Variants in PPRC1 observed in about 807,000 individuals in gnomAD.
The protein encoded by PPRC1 is peroxisome proliferator-activated receptor gamma coactivator-related protein 1.
In PPRC1, 23 loss-of-function variants were observed where a neutral mutation model predicts 132.5. The observed-to-expected ratio is 0.17, with a 90% CI of 0.12 to 0.25. The LOEUF is 0.25. PPRC1 is among the 10% of genes least tolerant of loss of function. The pLI is 1.00. For missense variants in PPRC1, 2,006 were observed against 2,089.1 expected, an observed-to-expected ratio of 0.96 and a Z score of 0.78; for synonymous variants, 872 against 833.5, an observed-to-expected ratio of 1.05 and a Z score of -0.80.
chr10:102,149,270 C>G lies in PPRC1; in HGVS notation c.4832C>G (p.Pro1611Arg). The change falls in exon 13 of 14, where the codon CCC (proline) becomes CGC (arginine). Residue 1611 changes from proline to arginine, a missense_variant. Around this residue, in one of 2 missense-constraint regions of PPRC1, gnomAD observed 92 missense variants for 171.9 expected, o/e 0.54. Coordinates refer to ENST00000278070, the MANE Select transcript of PPRC1 (RefSeq NM_015062.5). The stretch of plus-strand genomic sequence containing the variant: ...AAGCTGCGGCAGGCAGATGAGCAGC[C>G]CTTTGATCTCTGCTTTGGGGGCCGA... Reference protein sequence around the residue: ...GHKLRQADEQPFDLCFGGRRQ... With the variant: ...GHKLRQADEQRFDLCFGGRRQ... 1 of 1,612,300 alleles carries G rather than the reference C, an allele frequency of 6.2e-7. No individual in the cohort carries two copies. The highest frequency in any genetic ancestry group is 8.5e-7 in the Non-Finnish European group (1 of 1,179,038).
rs1404229488 is a variant in PPRC1, at chr10:102,148,614, C to T, written c.4551-14C>T. 1 of 1,614,092 alleles carries T rather than the reference C, an allele frequency of 6.2e-7. No individual in the cohort carries two copies. The highest frequency in any genetic ancestry group is 1.7e-5 in the Admixed American group (1 of 60,018). ...TCTTATGTTTGGGGGGCTGATGACA[C>T]CCTCTTTTGTCAGGTACAGCTCTTA... On this transcript the variant is annotated splice_polypyrimidine_tract_variant and intron_variant, in intron 10 of 13. Coordinates refer to ENST00000278070, the MANE Select transcript of PPRC1 (RefSeq NM_015062.5). This position sits in a 1 kb window ranked among gnomAD's most constrained non-coding sequence, Gnocchi z 4.2.
In PPRC1 at chr10:102,139,441, C is replaced by T. The variant is rs768752227; in HGVS notation, c.933C>T (p.Ala311=). 2 of 1,614,248 alleles carry T rather than the reference C, an allele frequency of 1.2e-6. No homozygotes were observed. Among genetic ancestry groups the T allele is most frequent in the Non-Finnish European group, 1.7e-6 (2 of 1,180,040 alleles). Residue 311 remains alanine (A), a synonymous_variant, in exon 5 of 14, where the codon GCC becomes GCT. Coordinates refer to ENST00000278070, the MANE Select transcript of PPRC1 (RefSeq NM_015062.5). ...SISSLSELVR[A]MHPYCLPNLT... is the part of the protein sequence containing the mutation. ...CCTCCCTGAGTGAGCTGGTGCGGGC[C>T]ATGCACCCATACTGCCTGCCCAACC...
the PPRC1 span, among the ~76,000 whole-genome samples, chr10:102,121,286 A>G: frequency 6.6e-6 from 1 of 151,514 alleles, no homozygotes; most frequent in Non-Finnish European, 1.5e-5. Flanking sequence ...TCACCTCCGT[A>G]CCAACCGCCC....
At position 102,143,025 on chromosome 10, in the gene PPRC1, T is replaced by C. The variant is rs530982129; in HGVS notation, c.3497-20T>C. ...GTTGATAGGGGCTCGTTTTCAATCCTGTGTTGTGTGCCTCCACAGGAATTG... is the reference window on the plus strand; with the variant it reads ...GTTGATAGGGGCTCGTTTTCAATCCCGTGTTGTGTGCCTCCACAGGAATTG... On this transcript the variant is annotated intron_variant, in intron 5 of 13. Transcript: ENST00000278070. 1 of 1,608,432 alleles carries C rather than the reference T, an allele frequency of 6.2e-7. No individual in the cohort carries two copies. Among genetic ancestry groups the C allele is most frequent in the African/African-American group, 1.3e-5 (1 of 74,870 alleles).
the PPRC1 span, among the ~76,000 whole-genome samples, chr10:102,124,836 T>A: frequency 6.6e-6 from 1 of 151,910 alleles, no homozygotes; most frequent in African/African-American, 2.4e-5. Flanking sequence ...AGAGACAGGT[T>A]TCTTGCTGTT....
At chr10:102,128,412 G>A (rs2068494806), upstream of PPRC1, among the ~76,000 whole-genome samples, 1 of 151,998 alleles carries the variant, frequency 6.6e-6, no homozygotes, top group African/African-American at 2.4e-5. Flanking sequence ...CCAAAGTGCT[G>A]GGATTACAGG....
Position 102,148,248 on chromosome 10 carries a change from T to C in PPRC1, c.4401-124T>C. On this transcript the variant is annotated intron_variant, in intron 9 of 13. Coordinates refer to ENST00000278070, the MANE Select transcript of PPRC1 (RefSeq NM_015062.5). The surrounding 1 kb of genome is among the most constrained non-coding windows in gnomAD (Gnocchi z 4.2). ...AATGAAAATTGTTCTTCTAGACCTC[T>C]TCTACTCTGCTTTGTCTTTGGTCCT... 4.3e-6 allele frequency: 5 copies of C among 1,162,914 alleles called. No individual in the cohort carries two copies. The highest frequency in any genetic ancestry group is 6.1e-6 in the Non-Finnish European group (5 of 817,096). The allele number at this position is 1,162,914 out of a possible 1,614,324, so 72.0% of individuals were successfully genotyped here.
Position 102,148,567 on chromosome 10 carries a change from C to A in PPRC1, c.4550+46C>A. ...CGCCATGCACCTGGGATGCAGGTGC[C>A]TAAGAGTTGAGTCTTGAATTGTCTT... is the stretch of plus-strand genomic sequence containing the variant. On this transcript the variant is annotated intron_variant, in intron 10 of 13. Coordinates refer to ENST00000278070, the MANE Select transcript of PPRC1 (RefSeq NM_015062.5). This position sits in a 1 kb window ranked among gnomAD's most constrained non-coding sequence, Gnocchi z 4.2. The A allele has an allele frequency of 6.2e-7, 1 of 1,612,180 alleles. No homozygotes were observed. Among genetic ancestry groups the A allele is most frequent in the East Asian group, 2.2e-5 (1 of 44,870 alleles).
chr10:102,133,133 A>G lies in PPRC1; in HGVS notation c.65A>G (p.Asp22Gly). The change falls in exon 1 of 14, where the codon GAC (aspartate) becomes GGC (glycine). Residue 22 changes from aspartate to glycine, a missense_variant. This residue lies in a region of PPRC1 where 1,914 missense variants were observed against 1,917.2 expected (regional missense o/e 1.00). Coordinates refer to ENST00000278070, the MANE Select transcript of PPRC1 (RefSeq NM_015062.5). ...APPPSGGPGP[D>G]PGGGARGSGW... ...CCCCCGAGTGGGGGCCCCGGTCCGG[A>G]CCCTGGCGGGGGAGCCCGCGGCAGT... 2 of 1,251,498 alleles carry G rather than the reference A, an allele frequency of 1.6e-6. No individual in the cohort carries two copies. The highest frequency in any genetic ancestry group is 2.7e-4 in the Middle Eastern group (1 of 3,698). 77.5% of individuals were successfully genotyped at this position (1,251,498 alleles called of 1,614,324 possible).
At chr10:102,130,624 A>T (rs1446133636), upstream of PPRC1, among the ~76,000 whole-genome samples, 1 of 148,930 alleles carries the variant, frequency 6.7e-6, no homozygotes, top group African/African-American at 2.5e-5. Context: ...AACCCCAGCT[A>T]CTCAGGAGGC....
At chr10:102,144,115 CT>C in intron 6 of PPRC1, 134 bp from the exon 7 acceptor site, 1 of 816,466 alleles carries the variant, frequency 1.2e-6, no homozygotes, top group Non-Finnish European at 2.1e-6. Context: ...GAGACTAGAT[CT>C]CTTTGGGGAG....
At chr10:102,138,119 G>A in intron 2 of PPRC1, 81 bp downstream of exon 2, 1 of 1,424,008 alleles carries the variant, frequency 7.0e-7, no homozygotes, top group South Asian at 1.4e-5. Context: ...GCATGGCTCT[G>A]CTCTCCCAGG....
upstream of PPRC1, among the ~76,000 whole-genome samples, chr10:102,129,313 G>T (rs912290273): frequency 8.5e-5 from 13 of 152,154 alleles, no homozygotes; most frequent in East Asian, 1.9e-4. Flanking sequence ...ACGATTGGAG[G>T]TTCCCAGTTT....
At chr10:102,131,421 A>G (rs897297915), upstream of PPRC1, among the ~76,000 whole-genome samples, 6 of 152,152 alleles carry the variant, frequency 3.9e-5, 1 homozygote, top group Middle Eastern at 0.01. Context: ...ATCTAAGAAA[A>G]GGTCCAGAAA....
chr10:102,134,777 C>T (rs932246816), intron 1 of PPRC1, among the ~76,000 whole-genome samples: 2 of 152,186 alleles, frequency 1.3e-5, no homozygotes, highest in Non-Finnish European at 2.9e-5. Context: ...TTCATCTTCA[C>T]CTCCATCAGG....
At chr10:102,123,833 CT>C in the PPRC1 span, among the ~76,000 whole-genome samples, 2,390 of 68,292 alleles carry the variant, frequency 0.035, 5 homozygotes, top group Middle Eastern at 0.091. Context: ...CACGCCCGGC[CT>C]TTTTTTTTTT....
chr10:102,127,877 A>C, the PPRC1 span, among the ~76,000 whole-genome samples: 1 of 151,802 alleles, frequency 6.6e-6, no homozygotes, highest in Admixed American at 6.6e-5. Context: ...TTCTAGAGAC[A>C]GGGGTTTCGC....
At chr10:102,128,808 G>A (rs892443499), upstream of PPRC1, among the ~76,000 whole-genome samples, 7 of 150,548 alleles carry the variant, frequency 4.6e-5, no homozygotes, top group East Asian at 1.4e-3. Flanking sequence ...TAGAGACGGG[G>A]TTTCACCATG....
In PPRC1 at chr10:102,146,994, C is replaced by T; in HGVS notation, c.4002C>T (p.Val1334=). 6.2e-7 allele frequency: 1 copy of T among 1,614,142 alleles called. No individual in the cohort carries two copies. Among genetic ancestry groups the T allele is most frequent in the Non-Finnish European group, 8.5e-7 (1 of 1,180,006 alleles). Residue 1334 remains valine, a synonymous_variant, in exon 9 of 14, where the codon GTC becomes GTT. Transcript: ENST00000278070. ...ATCAGGACATCACCATCAAACCTGT[C>T]TTGTCCTTGGGCCCAGCTGCCCCTC... The part of the protein sequence containing the change: ...KRHQDITIKP[V]LSLGPAAPPP...
Sources: gnomAD v4.1 joint callset for allele counts (sites outside exome capture counted in the v4.1 genomes callset) on GRCh38, gnomAD v4.1.1 for gene constraint, gnomAD v4.1.1 regional missense constraint, Gnocchi (gnomAD v3.1) non-coding constraint, MANE v1.5 for transcripts, NCBI Gene and HGNC (gene_info 2026-07-23, HGNC 2026-07-21) for gene names.